GSDMC: variants seen among roughly 807,000 people sequenced by gnomAD.
GSDMC encodes gasdermin-C.
In GSDMC, 59 loss-of-function variants were observed where a neutral mutation model predicts 58.0. The observed-to-expected ratio is 1.02, with a 90% CI of 0.82 to 1.26. GSDMC has a LOEUF of 1.26. Among genes scored for constraint, GSDMC ranks in the 50% most tolerant of loss-of-function variants. The probability of loss-of-function intolerance (pLI) is 0.00; values close to 1 mark genes in which losing one functional copy is unlikely to be tolerated. For missense variants in GSDMC, 659 were observed against 598.5 expected (o/e 1.10, Z -1.06); for synonymous variants, 241 against 220.2 (o/e 1.09, Z -0.83).
At chr8:129,750,707 C>T (rs748937672) in intron 10 of GSDMC, 137 bp from the exon 11 acceptor site, 4 of 778,356 alleles carry the variant, frequency 5.1e-6, no homozygotes, top group Non-Finnish European at 4.2e-6. Flanking sequence ...ATTGTCTCTG[C>T]TAATGGCATG....
the GSDMC span, among the ~76,000 whole-genome samples, chr8:129,712,541 A>G: frequency 6.6e-6 from 1 of 152,140 alleles, no homozygotes; most frequent in Non-Finnish European, 1.5e-5. Context: ...TAGGAGGTCC[A>G]TCATCAGCCA....
chr8:129,729,884 A>T, the GSDMC span: 20 of 1,099,788 alleles, frequency 1.8e-5, no homozygotes, highest in African/African-American at 3.0e-5. Context: ...TATTGCCCCA[A>T]CCTACTGAGA....
At chr8:129,715,681 A>G in the GSDMC span, among the ~76,000 whole-genome samples, 1 of 152,202 alleles carries the variant, frequency 6.6e-6, no homozygotes, top group African/African-American at 2.4e-5. Flanking sequence ...GAAATACAAA[A>G]AGACATCATC....
the GSDMC span, among the ~76,000 whole-genome samples, chr8:129,741,929 TATATATATAC>T: frequency 5.5e-5 from 8 of 146,364 alleles, no homozygotes; most frequent in African/African-American, 1.8e-4. Context: ...TATATATATA[TATATATATAC>T]ATGAAATAAT....
chr8:129,751,419 T>G (rs1055621087), intron 10 of GSDMC, 123 bp downstream of exon 10: 12 of 744,454 alleles, frequency 1.6e-5, no homozygotes, highest in Non-Finnish European at 2.5e-5. Context: ...GTTTGTTTCA[T>G]GAGCAAAGTG....
At chr8:129,765,272 T>A (rs903126225) in intron 4 of GSDMC, among the ~76,000 whole-genome samples, 14 of 152,234 alleles carry the variant, frequency 9.2e-5, no homozygotes, top group South Asian at 2.1e-4. Context: ...GTATTAGTGG[T>A]CCCTCATTTC....
chr8:129,711,333 C>T, the GSDMC span, among the ~76,000 whole-genome samples: 520 of 152,212 alleles, frequency 3.4e-3, 2 homozygotes, highest in African/African-American at 0.011. Context: ...AGAATTTATT[C>T]TCTTTCTTTT....
the GSDMC span, among the ~76,000 whole-genome samples, chr8:129,718,243 C>A: frequency 3.3e-5 from 5 of 152,080 alleles, no homozygotes; most frequent in Non-Finnish European, 7.4e-5. Flanking sequence ...AGGCAACCTA[C>A]CAAATGGGAG....
At chr8:129,730,176 T>A in the GSDMC span, 1 of 1,123,414 alleles carries the variant, frequency 8.9e-7, no homozygotes, top group Non-Finnish European at 1.2e-6. Context: ...GAAAAAGTTA[T>A]GTGTAAAACT....
the GSDMC span, among the ~76,000 whole-genome samples, chr8:129,714,422 G>C: frequency 3.3e-5 from 5 of 152,332 alleles, no homozygotes; most frequent in East Asian, 9.6e-4. Context: ...CATCCAACCA[G>C]TGTTTCTCAA....
At position 129,776,190 on chromosome 8, in the gene GSDMC, A is replaced by G; in HGVS notation, c.316T>C (p.Ser106Pro). The G allele has an allele frequency of 1.2e-6, 2 of 1,613,870 alleles. No individual in the cohort carries two copies. The highest frequency in any genetic ancestry group is 1.7e-6 in the Non-Finnish European group (2 of 1,179,754). Residue 106 changes from serine to proline, a missense_variant, in exon 3 of 14, where the codon TCA (serine) becomes CCA (proline). Transcript: ENST00000276708. ...GVNVGIEVSVSGEASVDHGCS... is the reference protein window; with the variant it reads ...GVNVGIEVSVPGEASVDHGCS... ...CCATGGTCCACAGAGGCCTCCCCTG[A>G]CACACTCACTTCTATACCAACATTC... is the stretch of plus-strand genomic sequence containing the variant.
intron 4 of GSDMC, among the ~76,000 whole-genome samples, chr8:129,765,097 T>A (rs2033809482): frequency 6.6e-6 from 1 of 152,214 alleles, no homozygotes; most frequent in African/African-American, 2.4e-5. Context: ...ATACTTAATC[T>A]GAATAGTTGA....
At chr8:129,727,040 A>G in the GSDMC span, among the ~76,000 whole-genome samples, 1 of 142,972 alleles carries the variant, frequency 7.0e-6, no homozygotes, top group Admixed American at 7.1e-5. Context: ...TCACATACTC[A>G]TTTACGCACA....
chr8:129,721,360 G>A, the GSDMC span, among the ~76,000 whole-genome samples: 3 of 152,052 alleles, frequency 2.0e-5, no homozygotes, highest in African/African-American at 7.2e-5. Flanking sequence ...CTTTGTTTCT[G>A]TTAAGAACAG....
chr8:129,741,915 A>AATATATATATATATACATATATAT, the GSDMC span, among the ~76,000 whole-genome samples: 9 of 126,272 alleles, frequency 7.1e-5, 1 homozygote, highest in African/African-American at 2.8e-4. Context: ...AAGAAAATGT[A>AATATATATATATATACATATATAT]ATATATATAT....
At chr8:129,757,474 A>C (rs2033486031) in intron 6 of GSDMC, among the ~76,000 whole-genome samples, 1 of 152,138 alleles carries the variant, frequency 6.6e-6, no homozygotes, top group South Asian at 2.1e-4. Flanking sequence ...CCAAATATTT[A>C]AAGTAAAATA....
chr8:129,728,918 G>A, the GSDMC span: 2 of 663,622 alleles, frequency 3.0e-6, no homozygotes, highest in Admixed American at 4.1e-5. Flanking sequence ...AAGCCCATTT[G>A]AAGGTCAGGA....
the GSDMC span, among the ~76,000 whole-genome samples, chr8:129,727,096 C>G: frequency 6.6e-6 from 1 of 152,006 alleles, no homozygotes; most frequent in Non-Finnish European, 1.5e-5. Flanking sequence ...TACATTCATC[C>G]AGAACCTCAG....
intron 6 of GSDMC, among the ~76,000 whole-genome samples, chr8:129,756,367 T>C (rs1019219665): frequency 1.3e-5 from 2 of 151,972 alleles, no homozygotes; most frequent in African/African-American, 4.8e-5. Flanking sequence ...AAAGCAAATA[T>C]TATTAGAGCT....
Sources: gnomAD v4.1 joint callset for allele counts (sites outside exome capture counted in the v4.1 genomes callset) on GRCh38, gnomAD v4.1.1 for gene constraint, MANE v1.5 for transcripts, NCBI Gene and HGNC (gene_info 2026-07-23, HGNC 2026-07-21) for gene names.